Variants in NKAIN2 observed in about 807,000 individuals in gnomAD.
NKAIN2 encodes the protein sodium/potassium-transporting ATPase subunit beta-1-interacting protein 2.
Under a neutral mutation model 32.6 loss-of-function variants are expected in NKAIN2, and 14 were observed. That is an observed-to-expected ratio of 0.43 (90% CI 0.28 to 0.67). The LOEUF (loss-of-function observed/expected upper bound fraction) is 0.67, where lower values mean the gene tolerates loss of function less well. Among genes scored for constraint, NKAIN2 ranks in the 30% least tolerant of loss-of-function variants. The pLI, the probability that NKAIN2 is intolerant of heterozygous loss-of-function variation, is 0.17. For missense variants in NKAIN2, 198 were observed against 258.3 expected, an observed-to-expected ratio of 0.77 and a Z score of 1.60; for synonymous variants, 80 against 87.2, an observed-to-expected ratio of 0.92 and a Z score of 0.46.
intron 3 of NKAIN2, among the ~76,000 whole-genome samples, chr6:124,376,670 T>A (rs1800007126): frequency 6.6e-6 from 1 of 152,146 alleles, no homozygotes; most frequent in Non-Finnish European, 1.5e-5. Context: ...TAGAGGCCCT[T>A]CTCACATCCA....
intron 3 of NKAIN2, among the ~76,000 whole-genome samples, chr6:124,580,745 G>C (rs759369825): frequency 3.3e-5 from 5 of 151,872 alleles, no homozygotes; most frequent in Non-Finnish European, 5.9e-5. Context: ...AAGACGCAGT[G>C]GTTTGTTGCC....
chr6:124,697,692 CT>C (rs1187518318), intron 4 of NKAIN2, among the ~76,000 whole-genome samples: 16 of 152,112 alleles, frequency 1.1e-4, no homozygotes, highest in Non-Finnish European at 2.1e-4. Flanking sequence ...TATATTGTTT[CT>C]GTTTCAAATG....
At chr6:124,038,236 G>A (rs1781694547) in intron 1 of NKAIN2, among the ~76,000 whole-genome samples, 1 of 151,908 alleles carries the variant, frequency 6.6e-6, no homozygotes, top group Admixed American at 6.6e-5. Flanking sequence ...TTCAACTGAT[G>A]TGAAAAGTTT....
At chr6:124,360,483 C>A (rs1009622132) in intron 3 of NKAIN2, among the ~76,000 whole-genome samples, 1 of 151,954 alleles carries the variant, frequency 6.6e-6, no homozygotes, top group Non-Finnish European at 1.5e-5. Context: ...ATCATGTTTT[C>A]TTTGTACACA....
At chr6:123,836,903 TC>T (rs1774653094) in intron 1 of NKAIN2, among the ~76,000 whole-genome samples, 1 of 152,150 alleles carries the variant, frequency 6.6e-6, no homozygotes, top group African/African-American at 2.4e-5. Context: ...AACACTCCTC[TC>T]CGACTTATTT....
At chr6:124,093,002 C>T (rs1402595603) in intron 1 of NKAIN2, among the ~76,000 whole-genome samples, 2 of 152,026 alleles carry the variant, frequency 1.3e-5, no homozygotes, top group Non-Finnish European at 1.5e-5. Context: ...CTTGAGGCTT[C>T]CTGCCAGTAT....
intron 3 of NKAIN2, among the ~76,000 whole-genome samples, chr6:124,385,376 GCTTCTCC>G (rs946197766): frequency 1.3e-5 from 2 of 151,918 alleles, no homozygotes; most frequent in African/African-American, 2.4e-5. Flanking sequence ...CTGTTGGGAG[GCTTCTCC>G]CCTCTAATGT....
intron 1 of NKAIN2, among the ~76,000 whole-genome samples, chr6:123,909,540 A>G (rs554631874): frequency 3.9e-5 from 6 of 152,290 alleles, no homozygotes; most frequent in African/African-American, 1.4e-4. Context: ...GGTAGACACC[A>G]TGCTTCTTCC....
intron 1 of NKAIN2, among the ~76,000 whole-genome samples, chr6:124,118,865 G>T (rs1785744187): frequency 6.6e-6 from 1 of 152,108 alleles, no homozygotes; most frequent in Non-Finnish European, 1.5e-5. Context: ...TTCTGCCTTT[G>T]TAGCATGAAA....
intron 3 of NKAIN2, among the ~76,000 whole-genome samples, chr6:124,650,769 C>CAT (rs1388292414): frequency 6.6e-6 from 1 of 152,136 alleles, no homozygotes; most frequent in Non-Finnish European, 1.5e-5. Flanking sequence ...ATACTCAAAC[C>CAT]ATAGCACTTC....
At chr6:124,143,939 A>T (rs1025254167) in intron 1 of NKAIN2, among the ~76,000 whole-genome samples, 2 of 152,232 alleles carry the variant, frequency 1.3e-5, no homozygotes, top group South Asian at 2.1e-4. Flanking sequence ...AAAATGCAAT[A>T]TAAAAGAAAA....
At chr6:123,895,850 T>C (rs1004544932) in intron 1 of NKAIN2, among the ~76,000 whole-genome samples, 5 of 152,186 alleles carry the variant, frequency 3.3e-5, no homozygotes, top group African/African-American at 1.2e-4. Flanking sequence ...CTCGAGAGGT[T>C]GATGAATCGC....
chr6:124,086,844 T>C lies in NKAIN2; in HGVS notation c.55-196161T>C, dbSNP rs533592830. ...CATGATGGGTGGTTTCTACAAAACA[T>C]TTAAGGAAGAAATTACACTAACTCT... is the stretch of plus-strand genomic sequence containing the variant. On this transcript the variant is annotated intron_variant, in intron 1 of 6. Transcript: ENST00000368417. Among the ~76,000 whole-genome samples the C allele has an allele frequency of 2.4e-3, 370 of 151,958 alleles. 2 individuals are homozygous for C. Among genetic ancestry groups the C allele is most frequent in the African/African-American group, 7.5e-3 (313 of 41,500 alleles).
intron 6 of NKAIN2, among the ~76,000 whole-genome samples, chr6:124,821,261 C>G (rs1781383676): frequency 6.6e-6 from 1 of 150,444 alleles, no homozygotes; most frequent in Admixed American, 6.6e-5. Flanking sequence ...TGCCACTGCA[C>G]TCCAGCCTGG....
intron 1 of NKAIN2, among the ~76,000 whole-genome samples, chr6:124,036,797 A>T (rs759904650): frequency 5.9e-5 from 9 of 152,098 alleles, no homozygotes; most frequent in Non-Finnish European, 1.0e-4. Context: ...AAAAACTGCT[A>T]ATGAAAGCAT....
At chr6:123,944,591 T>C (rs1776982379) in intron 1 of NKAIN2, among the ~76,000 whole-genome samples, 1 of 152,070 alleles carries the variant, frequency 6.6e-6, no homozygotes, top group African/African-American at 2.4e-5. Context: ...ATCCTGTGTT[T>C]ACTGATGCCT....
intron 1 of NKAIN2, among the ~76,000 whole-genome samples, chr6:123,907,273 T>C (rs1405306916): frequency 6.6e-6 from 1 of 152,190 alleles, no homozygotes; most frequent in Non-Finnish European, 1.5e-5. Flanking sequence ...TTTTCCTATA[T>C]ATTTTTTCAG....
chr6:124,108,487 AG>A (rs1436069812), intron 1 of NKAIN2, among the ~76,000 whole-genome samples: 1 of 151,982 alleles, frequency 6.6e-6, no homozygotes, highest in African/African-American at 2.4e-5. Flanking sequence ...TCCATACAGT[AG>A]ATTTCTTTCA....
At chr6:124,748,064 A>G (rs192216604) in intron 4 of NKAIN2, among the ~76,000 whole-genome samples, 10 of 152,126 alleles carry the variant, frequency 6.6e-5, no homozygotes, top group African/African-American at 2.4e-4. Flanking sequence ...TGTGGTTATT[A>G]TATTCAACAG....
Sources: gnomAD v4.1 joint callset for allele counts (sites outside exome capture counted in the v4.1 genomes callset) on GRCh38, gnomAD v4.1.1 for gene constraint, MANE v1.5 for transcripts, NCBI Gene and HGNC (gene_info 2026-07-23, HGNC 2026-07-21) for gene names.